The following C10orf67 variants were observed in gnomAD, a reference collection of about 807,000 sequenced individuals.
C10orf67 encodes chromosome 10 open reading frame 67.
A neutral mutation model predicts 35.6 loss-of-function variants in C10orf67; 60 were observed. That is an observed-to-expected ratio of 1.68 (90% CI 1.37 to 2.09). C10orf67 has a LOEUF of 2.09. Ranked by LOEUF, C10orf67 falls within the 30% of genes most tolerant of loss-of-function variation. The probability of loss-of-function intolerance (pLI) is 0.00; values close to 1 mark genes in which losing one functional copy is unlikely to be tolerated. For missense variants in C10orf67, 474 were observed against 330.2 expected, an observed-to-expected ratio of 1.44 and a Z score of -3.38; for synonymous variants, 167 against 115.8, an observed-to-expected ratio of 1.44 and a Z score of -2.84.
At chr10:23,272,387 G>A (rs1036860500) in intron 8 of C10orf67, among the ~76,000 whole-genome samples, 2 of 152,170 alleles carry the variant, frequency 1.3e-5, no homozygotes, top group Admixed American at 6.5e-5. Context: ...GGTAAGGGTT[G>A]AAGTTCATTT....
chr10:23,314,183 G>A (rs2132315027), intron 4 of C10orf67, among the ~76,000 whole-genome samples: 1 of 128,328 alleles, frequency 7.8e-6, no homozygotes, highest in African/African-American at 3.7e-5. Flanking sequence ...GCAAGACTCT[G>A]TTTCAAAAAC....
intron 5 of C10orf67, 93 bp from the exon 6 acceptor site, chr10:23,291,372 T>C: frequency 1.6e-6 from 1 of 613,040 alleles, no homozygotes; most frequent in Non-Finnish European, 2.9e-6. Flanking sequence ...AGCTATCATA[T>C]AATTTTCTGA....
intron 8 of C10orf67, among the ~76,000 whole-genome samples, chr10:23,275,967 A>G (rs1426416140): frequency 1.3e-5 from 2 of 152,078 alleles, no homozygotes; most frequent in Non-Finnish European, 2.9e-5. Context: ...TTCTCTCTCA[A>G]TACATTGGAG....
At chr10:23,236,845 C>T (rs1399816744) in intron 13 of C10orf67, among the ~76,000 whole-genome samples, 3 of 152,114 alleles carry the variant, frequency 2.0e-5, no homozygotes, top group Non-Finnish European at 4.4e-5. Context: ...CCATTGTACT[C>T]CAGCTTGGGT....
chr10:23,303,440 T>C lies in C10orf67; in HGVS notation c.566A>G (p.Glu189Gly). The stretch of plus-strand genomic sequence containing the variant: ...CGCATCTTGCAAAGAAACATTCTCT[T>C]CTTCTACCTCAAAGAATTGCTAGGG... ...GMYQQFFEVE[E>G]ENVSLQDAST... is the part of the protein sequence containing the mutation. Residue 189 changes from glutamate (E) to glycine (G), a missense_variant, in exon 5 of 16, where the codon GAA becomes GGA. By Grantham distance (98) the Glu-to-Gly change is moderately conservative (BLOSUM62 -2). Coordinates refer to ENST00000636213, the MANE Select transcript of C10orf67 (RefSeq NM_001371909.1). The C allele has an allele frequency of 1.7e-6, 1 of 576,354 alleles. No homozygotes were observed. 35.7% of individuals were successfully genotyped at this position (576,354 alleles called of 1,614,324 possible).
rs999284484 is a variant in C10orf67, at chr10:23,344,081, C to A, written c.206+488G>T. 6.4e-4 allele frequency: 157 copies of A among 246,026 alleles called. 5 individuals are homozygous for A. In the South Asian group the frequency reaches 6.5e-3, roughly 10 times the overall value. The allele number at this position is 246,026 out of a possible 1,614,324, so 15.2% of individuals were successfully genotyped here. On this transcript the variant is annotated intron_variant, in intron 1 of 15. Transcript: ENST00000636213. Reference sequence around the variant, plus strand: ...GGGAACCCGGCGTCCGTTGCCATGGCGACTCCCAGGTAACCGGCGAAGCGC... The same window carrying A: ...GGGAACCCGGCGTCCGTTGCCATGGAGACTCCCAGGTAACCGGCGAAGCGC...
At chr10:23,306,307 T>A (rs1490032608) in intron 4 of C10orf67, among the ~76,000 whole-genome samples, 1 of 151,910 alleles carries the variant, frequency 6.6e-6, no homozygotes, top group Non-Finnish European at 1.5e-5. Flanking sequence ...GGGCAAATCA[T>A]CAGGTCAGGA....
At chr10:23,292,897 C>G (rs1843763429) in intron 5 of C10orf67, among the ~76,000 whole-genome samples, 1 of 152,094 alleles carries the variant, frequency 6.6e-6, no homozygotes, top group Non-Finnish European at 1.5e-5. Flanking sequence ...AGTTAATAAA[C>G]AACACTGTTT....
At chr10:23,309,402 G>T (rs1434147874) in intron 4 of C10orf67, among the ~76,000 whole-genome samples, 1 of 152,128 alleles carries the variant, frequency 6.6e-6, no homozygotes, top group Non-Finnish European at 1.5e-5. Flanking sequence ...GAAAAAGGTG[G>T]CAGGGAGACT....
intron 10 of C10orf67, among the ~76,000 whole-genome samples, chr10:23,264,098 A>T (rs1340936901): frequency 6.6e-6 from 1 of 152,240 alleles, no homozygotes; most frequent in Non-Finnish European, 1.5e-5. Flanking sequence ...ACACGTGGTA[A>T]ACGTTATAAA....
intron 4 of C10orf67, among the ~76,000 whole-genome samples, chr10:23,307,616 T>G (rs1324436210): frequency 6.6e-6 from 1 of 151,020 alleles, no homozygotes; most frequent in East Asian, 1.9e-4. Context: ...TAGTTTTTTT[T>G]TTTTTTTTTT....
chr10:23,321,789 G>GT (rs1289252190), intron 3 of C10orf67, among the ~76,000 whole-genome samples: 2 of 152,092 alleles, frequency 1.3e-5, no homozygotes, highest in African/African-American at 4.8e-5. Context: ...CGTTTGTTTT[G>GT]TTTTTTGGTT....
intron 12 of C10orf67, among the ~76,000 whole-genome samples, chr10:23,244,127 G>T (rs1842254982): frequency 6.6e-6 from 1 of 152,170 alleles, no homozygotes; most frequent in Non-Finnish European, 1.5e-5. Context: ...CTGAGCTCAA[G>T]CAATCCTTCT....
At chr10:23,225,125 T>C (rs1841700908) in intron 13 of C10orf67, among the ~76,000 whole-genome samples, 1 of 152,170 alleles carries the variant, frequency 6.6e-6, no homozygotes, top group African/African-American at 2.4e-5. Flanking sequence ...GAGAGAAAGG[T>C]CGGGTTACCC....
Position 23,255,826 on chromosome 10 carries a change from G to A in C10orf67, c.1201-5135C>T, listed in dbSNP as rs74121799. On this transcript the variant is annotated intron_variant, in intron 10 of 15. Coordinates refer to ENST00000636213, the MANE Select transcript of C10orf67 (RefSeq NM_001371909.1). ...TATAATGGATTATCTAAATTCAACG[G>A]TATGGAATGATGTTATCCACATCCT... 5.0e-3 allele frequency among the ~76,000 whole-genome samples: 762 copies of A among 152,272 alleles called. 6 individuals are homozygous for A. Among genetic ancestry groups the A allele is most frequent in the African/African-American group, 0.017 (724 of 41,562 alleles).
chr10:23,284,681 A>G (rs1843478383), intron 7 of C10orf67, among the ~76,000 whole-genome samples: 1 of 151,436 alleles, frequency 6.6e-6, no homozygotes. Context: ...GCAAGACCTT[A>G]TCTCAAAAAA....
chr10:23,323,258 T>C (rs1359250317), intron 2 of C10orf67, among the ~76,000 whole-genome samples: 1 of 152,242 alleles, frequency 6.6e-6, no homozygotes, highest in African/African-American at 2.4e-5. Flanking sequence ...CATTTAAATA[T>C]GTAACCAGCA....
intron 7 of C10orf67, among the ~76,000 whole-genome samples, chr10:23,285,313 T>TA (rs958932950): frequency 9.8e-4 from 143 of 145,562 alleles, no homozygotes; most frequent in Admixed American, 8.3e-4. Flanking sequence ...AAGACAGAAT[T>TA]AAAAAAAAAA....
chr10:23,248,516 T>G (rs1368137830), intron 12 of C10orf67, among the ~76,000 whole-genome samples: 2 of 152,208 alleles, frequency 1.3e-5, no homozygotes, highest in Non-Finnish European at 2.9e-5. Context: ...ATGAATTGAC[T>G]GAGAAATCAT....
Sources: allele counts gnomAD v4.1 joint callset (sites outside exome capture counted in the v4.1 genomes callset), GRCh38; gene constraint gnomAD v4.1.1; transcripts MANE v1.5; gene names NCBI Gene and HGNC (gene_info 2026-07-23, HGNC 2026-07-21).